The following MCM3AP variants were observed in gnomAD, a reference collection of about 807,000 sequenced individuals.
MCM3AP encodes the protein germinal-center associated nuclear protein.
In MCM3AP, 126 loss-of-function variants were observed where a neutral mutation model predicts 184.1. The observed-to-expected ratio is 0.68, with a 90% confidence interval of 0.59 to 0.79. The LOEUF is 0.79. Among genes scored for constraint, MCM3AP ranks in the 30% least tolerant of loss-of-function variants. The probability of loss-of-function intolerance (pLI) is 0.00; values close to 1 mark genes in which losing one functional copy is unlikely to be tolerated. For synonymous variants in MCM3AP, 1,002 were observed against 979.3 expected, an observed-to-expected ratio of 1.02 and a Z score of -0.43; for missense variants, 2,496 against 2,479.2, an observed-to-expected ratio of 1.01 and a Z score of -0.14.
intron 20 of MCM3AP, among the ~76,000 whole-genome samples, chr21:46,248,078 G>A (rs1023948843): frequency 6.6e-6 from 1 of 152,210 alleles, no homozygotes; most frequent in Non-Finnish European, 1.5e-5. Context: ...AGCAGAGGAT[G>A]CCATACCTAA....
At chr21:46,239,618 A>G (rs2080614525) in intron 26 of MCM3AP, among the ~76,000 whole-genome samples, 1 of 152,230 alleles carries the variant, frequency 6.6e-6, no homozygotes, top group Non-Finnish European at 1.5e-5. Context: ...GCTACCAGAC[A>G]TCCAATAGGT....
intron 27 of MCM3AP, among the ~76,000 whole-genome samples, chr21:46,236,580 T>C (rs552569623): frequency 2.2e-4 from 33 of 152,336 alleles, no homozygotes; most frequent in Non-Finnish European, 3.8e-4. Context: ...CAGCACACAG[T>C]TACAGGTCTT....
chr21:46,267,053 G>T lies in MCM3AP; in HGVS notation c.2718C>A (p.Arg906=), dbSNP rs769610906. The change falls in exon 10 of 28, where the codon CGC becomes CGA. Residue 906 remains arginine, a synonymous_variant. Transcript: ENST00000291688. ...STIFPLDGVV[R]MLLFRDCEEA... ...CTTCACAGTCTCTGAACAGCAGCAT[G>T]CGCACCACACCATCCAGGGGAAAGA... The T allele has an allele frequency of 3.6e-5, 58 of 1,614,228 alleles. No homozygotes were observed. The highest frequency in any genetic ancestry group is 5.0e-5 in the Admixed American group (3 of 60,032).
intron 4 of MCM3AP, 25 bp downstream of exon 4, chr21:46,279,968 G>A (rs1221580130): frequency 5.0e-6 from 8 of 1,596,002 alleles, no homozygotes; most frequent in Non-Finnish European, 6.8e-6. Flanking sequence ...TCCGGAATAA[G>A]GTCATTAGGA....
chr21:46,237,024 A>G (rs111700696), intron 26 of MCM3AP, 45 bp from the exon 27 acceptor site: 2 of 1,252,378 alleles, frequency 1.6e-6, no homozygotes, highest in East Asian at 2.7e-5. Context: ...AGCATTAGGA[A>G]GTTAACTATT....
Position 46,244,849 on chromosome 21 carries a change from G to A in MCM3AP, c.4996C>T (p.Leu1666Phe), listed in dbSNP as rs1422999521. 1.9e-6 allele frequency: 3 copies of A among 1,614,078 alleles called. No individual in the cohort carries two copies. The African/African-American group carries it at 4.0e-5, about 22-fold the overall frequency. ...EHLAWLKQAV[L>F]GFQLPQMDLP... ...TCCATCTGCGGAAGCTGGAACCCGA[G>A]CACAGCCTGCTTCAGCCAGGCCAGG... is the stretch of plus-strand genomic sequence containing the variant. Residue 1666 changes from leucine to phenylalanine, a missense_variant, in exon 23 of 28, where the codon CTC becomes TTC. This residue lies in a region of MCM3AP where 1,323 missense variants were observed against 1,273.4 expected (regional missense o/e 1.04). Transcript: ENST00000291688.
intron 6 of MCM3AP, among the ~76,000 whole-genome samples, 170 bp downstream of exon 6, chr21:46,275,016 G>A (rs186835498): frequency 5.0e-4 from 75 of 151,308 alleles, no homozygotes; most frequent in African/African-American, 1.7e-3. Flanking sequence ...ATCATGTATA[G>A]GTACCAATTA....
At chr21:46,273,674 A>C in intron 6 of MCM3AP, 89 bp from the exon 7 acceptor site, 1 of 852,106 alleles carries the variant, frequency 1.2e-6, no homozygotes, top group Non-Finnish European at 1.9e-6. Flanking sequence ...AAAATCACAT[A>C]CACACCCACA....
Position 46,277,699 on chromosome 21 carries a change from T to C in MCM3AP, c.1686A>G (p.Pro562=). 1 of 1,591,572 alleles carries C rather than the reference T, an allele frequency of 6.3e-7. No homozygotes were observed. Among genetic ancestry groups the C allele is most frequent in the Non-Finnish European group, 8.6e-7 (1 of 1,169,040 alleles). Residue 562 remains proline, a synonymous_variant, in exon 5 of 28, where the codon CCA becomes CCG. Transcript: ENST00000291688. ...LLNKSSPVKK[P]SLLKAHQFEG... is the part of the protein sequence containing the mutation. ...CGAATTGGTGGGCCTTTAGAAGACT[T>C]GGCTTCTTCACTGGAGAGCTATAAA...
rs775008819 is a variant in MCM3AP at position 46,277,752 on chromosome 21, C to G, written c.1668-35G>C. The G allele has an allele frequency of 5.2e-6, 7 of 1,355,600 alleles. No individual in the cohort carries two copies. The South Asian group carries it at 1.0e-4, about 20-fold the overall frequency. The allele number at this position is 1,355,600 out of a possible 1,614,324, so 84.0% of individuals were successfully genotyped here. ...AAACACCACACTGAGGGCCCTCGTC[C>G]CAGGAAGGCCTTCAGAGCATTTTCA... On this transcript the variant is annotated intron_variant, in intron 4 of 27. Transcript: ENST00000291688.
chr21:46,254,887 G>GT (rs770896189), intron 17 of MCM3AP, 43 bp from the exon 18 acceptor site: 1 of 1,466,294 alleles, frequency 6.8e-7, no homozygotes, highest in Admixed American at 1.7e-5. Context: ...CAGGAGCTTA[G>GT]TGAGAAGTAC....
At chr21:46,255,815 G>T (rs2080941817) in intron 17 of MCM3AP, among the ~76,000 whole-genome samples, 2 of 151,888 alleles carry the variant, frequency 1.3e-5, no homozygotes, top group African/African-American at 4.8e-5. Flanking sequence ...CAGACAAGGA[G>T]ACTGAGGCTG....
chr21:46,237,354 C>T (rs1029177603), intron 26 of MCM3AP, among the ~76,000 whole-genome samples: 13 of 152,096 alleles, frequency 8.5e-5, no homozygotes, highest in South Asian at 2.1e-4. Context: ...CCACCCACCT[C>T]GGCCTCCCAA....
At chr21:46,256,250 C>T (rs73386571) in intron 17 of MCM3AP, among the ~76,000 whole-genome samples, 2,611 of 152,108 alleles carry the variant, frequency 0.017, 72 homozygotes, top group African/African-American at 0.059. Context: ...CCTGAGGAGC[C>T]GGTTCTGCTC....
chr21:46,244,122 G>A (rs1363490826), intron 23 of MCM3AP, among the ~76,000 whole-genome samples: 3 of 152,264 alleles, frequency 2.0e-5, no homozygotes, highest in Non-Finnish European at 4.4e-5. Context: ...TAATGAGCAT[G>A]AGTTAGACCT....
chr21:46,271,876 T>C (rs78010711), intron 8 of MCM3AP, among the ~76,000 whole-genome samples: 2 of 150,036 alleles, frequency 1.3e-5, no homozygotes, highest in African/African-American at 4.9e-5. Flanking sequence ...TAAAATGAAA[T>C]AAAAAATTAA....
intron 13 of MCM3AP, among the ~76,000 whole-genome samples, chr21:46,262,689 CG>C (rs1185280493): frequency 2.0e-5 from 3 of 151,964 alleles, no homozygotes; most frequent in African/African-American, 7.2e-5. Context: ...AAAAGGAGGC[CG>C]GGCGCGGTGG....
rs1463760924 is a variant in MCM3AP, at chr21:46,246,409, A to C, written c.4550-5T>G. The C allele has an allele frequency of 1.3e-6, 2 of 1,577,294 alleles. No individual in the cohort carries two copies. Among genetic ancestry groups the C allele is most frequent in the African/African-American group, 1.3e-5 (1 of 74,280 alleles). On this transcript the variant is annotated splice_region_variant and splice_polypyrimidine_tract_variant and intron_variant, in intron 21 of 27. Coordinates refer to ENST00000291688, the MANE Select transcript of MCM3AP (RefSeq NM_003906.5). ...CCAAGTCCTGTAGCATCAGACCTTT[A>C]AGACAGACATAGATGAAGGTCACTT...
chr21:46,284,955 C>G lies in MCM3AP; in HGVS notation c.332G>C (p.Ser111Thr). The G allele has an allele frequency of 6.2e-7, 1 of 1,614,064 alleles. No individual in the cohort carries two copies. The highest frequency in any genetic ancestry group is 8.5e-7 in the Non-Finnish European group (1 of 1,179,958). ...CCCAACACTGGTGGGTGATTTAAAA[C>G]TAAATCCTGTGTTTCCCAGCACAGA... ...SSSVLGNTGFSFKSPTSVGAF... is the reference protein window; with the variant it reads ...SSSVLGNTGFTFKSPTSVGAF... Residue 111 changes from serine to threonine, a missense_variant, in exon 1 of 28, where the codon AGT becomes ACT. Coordinates refer to ENST00000291688, the MANE Select transcript of MCM3AP (RefSeq NM_003906.5).
Sources: gnomAD v4.1 joint callset for allele counts (sites outside exome capture counted in the v4.1 genomes callset) on GRCh38, gnomAD v4.1.1 for gene constraint, gnomAD v4.1.1 regional missense constraint, MANE v1.5 for transcripts, NCBI Gene and HGNC (gene_info 2026-07-23, HGNC 2026-07-21) for gene names.